Variants in RASGEF1A observed in about 807,000 individuals in gnomAD.
The protein encoded by RASGEF1A is ras-GEF domain-containing family member 1A.
RASGEF1A carries 18 observed loss-of-function variants against 56.4 expected under a neutral mutation model. The ratio of observed to expected loss-of-function variants is 0.32; its 90% CI spans 0.22 to 0.47. The LOEUF is 0.47. Ranked by LOEUF, RASGEF1A falls within the 20% of genes least tolerant of loss-of-function variation. The probability of loss-of-function intolerance (pLI) is 1.00; values close to 1 mark genes in which losing one functional copy is unlikely to be tolerated. For missense variants in RASGEF1A, 422 were observed against 627.1 expected, an observed-to-expected ratio of 0.67 and a Z score of 3.49; for synonymous variants, 245 against 242.6, an observed-to-expected ratio of 1.01 and a Z score of -0.09.
In RASGEF1A at chr10:43,249,167, A is replaced by G. The variant is rs76192007; in HGVS notation, c.-7+17678T>C. Among the ~76,000 whole-genome samples the G allele has an allele frequency of 1.7e-4, 26 of 152,354 alleles. No individual in the cohort carries two copies. In the East Asian group the frequency reaches 4.6e-3, roughly 27 times the overall value. ...GGTCACCTGTGTCCATCTGAGGAGC[A>G]GGACGCCATGGCTGAGAATCAACCA... On this transcript the variant is annotated intron_variant, in intron 1 of 12. Transcript: ENST00000395810.
chr10:43,256,703 C>A (rs1836414068), intron 1 of RASGEF1A, among the ~76,000 whole-genome samples: 1 of 152,166 alleles, frequency 6.6e-6, no homozygotes, highest in African/African-American at 2.4e-5. Context: ...CTGGTGTGGA[C>A]CAGCGCACAC....
intron 1 of RASGEF1A, among the ~76,000 whole-genome samples, chr10:43,233,339 T>C (rs1277366762): frequency 2.0e-5 from 3 of 152,124 alleles, no homozygotes; most frequent in African/African-American, 7.2e-5. Context: ...TGTAGACAGA[T>C]ACAGAGACAC....
intron 1 of RASGEF1A, among the ~76,000 whole-genome samples, chr10:43,246,183 A>G (rs1031481661): frequency 3.9e-5 from 6 of 152,236 alleles, no homozygotes; most frequent in Non-Finnish European, 8.8e-5. Context: ...CATCAAAGAG[A>G]ATAAAATAAT....
At chr10:43,224,645 T>C (rs1229322819) in intron 1 of RASGEF1A, among the ~76,000 whole-genome samples, 4 of 152,206 alleles carry the variant, frequency 2.6e-5, no homozygotes, top group Admixed American at 6.5e-5. Flanking sequence ...ATGGGCCAGT[T>C]TCAGACTTAG....
intron 1 of RASGEF1A, chr10:43,208,692 T>A (rs1840028492): frequency 1.0e-6 from 1 of 985,322 alleles, no homozygotes; most frequent in Non-Finnish European, 1.2e-6. Context: ...CAGGGCTAGG[T>A]CTCCTGCATC....
chr10:43,251,546 A>C (rs1426506497), intron 1 of RASGEF1A, among the ~76,000 whole-genome samples: 1 of 152,192 alleles, frequency 6.6e-6, no homozygotes, highest in African/African-American at 2.4e-5. Context: ...GTCAGTGTGC[A>C]TGATGGACGC....
chr10:43,198,923 A>G lies in RASGEF1A; in HGVS notation c.1032+10T>C, dbSNP rs776363814. 29 of 1,611,142 alleles carry G rather than the reference A, an allele frequency of 1.8e-5. No individual in the cohort carries two copies. The highest frequency in any genetic ancestry group is 1.8e-4 in the Middle Eastern group (1 of 5,482). ...GCAGCTCGCAGCTGTGACGGGGCTC[A>G]GGTGCCTACCTCCAAGACATCAAAC... On this transcript the variant is annotated intron_variant, in intron 9 of 12. Transcript: ENST00000395810.
At position 43,201,820 on chromosome 10, in the gene RASGEF1A, G is replaced by A; in HGVS notation, c.447C>T (p.Thr149=). ...AELKAITHRV[T]QCDEENGTVK... ...AGGGAGCACTCACCTCATCACACTGGGTGACACGGTGTGTGATGGCTTTCA... is the reference window on the plus strand; with the variant it reads ...AGGGAGCACTCACCTCATCACACTGAGTGACACGGTGTGTGATGGCTTTCA... Residue 149 remains threonine, a synonymous_variant, in exon 4 of 13, where the codon ACC becomes ACT. Transcript: ENST00000395810. The A allele has an allele frequency of 6.2e-7, 1 of 1,605,424 alleles. No individual in the cohort carries two copies. The highest frequency in any genetic ancestry group is 8.5e-7 in the Non-Finnish European group (1 of 1,174,382).
At chr10:43,257,731 T>C (rs1450345811) in intron 1 of RASGEF1A, among the ~76,000 whole-genome samples, 1 of 152,218 alleles carries the variant, frequency 6.6e-6, no homozygotes, top group Non-Finnish European at 1.5e-5. Context: ...GCCCTGGCCC[T>C]GCATTATGCT....
chr10:43,217,068 G>T (rs1195548196), intron 1 of RASGEF1A, among the ~76,000 whole-genome samples: 2 of 152,178 alleles, frequency 1.3e-5, no homozygotes, highest in East Asian at 1.9e-4. Flanking sequence ...TGGAGGGGGA[G>T]AAATGAGGTA....
chr10:43,197,645 T>G lies in RASGEF1A; in HGVS notation c.1224+359A>C, dbSNP rs112005660. ...CTTCCATCTAGAATTCTCTGCCGCCTCCTCCCTGCTCAAGTCCCTTCCTAT... is the reference window on the plus strand; with the variant it reads ...CTTCCATCTAGAATTCTCTGCCGCCGCCTCCCTGCTCAAGTCCCTTCCTAT... On this transcript the variant is annotated intron_variant, in intron 10 of 12. Transcript: ENST00000395810. Among the ~76,000 whole-genome samples the G allele has an allele frequency of 9.9e-5, 15 of 152,182 alleles. 3 individuals carry two copies. The highest frequency in any genetic ancestry group is 3.6e-4 in the African/African-American group (15 of 41,510).
At position 43,201,858 on chromosome 10, in the gene RASGEF1A, C is replaced by T. The variant is rs758127770; in HGVS notation, c.409G>A (p.Ala137Thr). The T allele has an allele frequency of 1.2e-6, 2 of 1,611,858 alleles. No homozygotes were observed. The highest frequency in any genetic ancestry group is 1.7e-5 in the Admixed American group (1 of 59,948). ...GTGATGGCTTTCAGCTCGGCCATGG[C>T]CTTCTCATCCTGGAAGTCATAGGGG... ...AFPYDFQDEK[A>T]MAELKAITHR... The change falls in exon 4 of 13, where the codon GCC (alanine) becomes ACC (threonine). Residue 137 changes from alanine (A) to threonine (T), a missense_variant. Ala to Thr is a moderately conservative substitution (Grantham distance 58, BLOSUM62 0). Coordinates refer to ENST00000395810, the MANE Select transcript of RASGEF1A (RefSeq NM_145313.4).
intron 1 of RASGEF1A, among the ~76,000 whole-genome samples, chr10:43,260,985 G>T (rs2133231851): frequency 6.6e-6 from 1 of 152,282 alleles, no homozygotes; most frequent in South Asian, 2.1e-4. Flanking sequence ...ATTTGTGCGG[G>T]CATCTCCGAG....
chr10:43,219,691 G>A (rs1249575246), intron 1 of RASGEF1A, among the ~76,000 whole-genome samples: 1 of 152,234 alleles, frequency 6.6e-6, no homozygotes, highest in Non-Finnish European at 1.5e-5. Flanking sequence ...CCAGAGGCAG[G>A]AAGGGATGGC....
chr10:43,199,118 T>A lies in RASGEF1A; in HGVS notation c.926A>T (p.Asn309Ile), dbSNP rs1432830996. 6.2e-7 allele frequency: 1 copy of A among 1,613,660 alleles called. No homozygotes were observed. Among genetic ancestry groups the A allele is most frequent in the African/African-American group, 1.3e-5 (1 of 74,916 alleles). ...GATGATGGCCATCATGGAGTTGAAGTTCCCGATGTTGAAGCACTCCCGGGC... is the reference window on the plus strand; with the variant it reads ...GATGATGGCCATCATGGAGTTGAAGATCCCGATGTTGAAGCACTCCCGGGC... ...DVARECFNIG[N>I]FNSMMAIISG... Residue 309 changes from asparagine to isoleucine, a missense_variant, in exon 8 of 13, where the codon AAC becomes ATC. Around this residue, in one of 2 missense-constraint regions of RASGEF1A, gnomAD observed 149 missense variants for 287.2 expected, o/e 0.52. Coordinates refer to ENST00000395810, the MANE Select transcript of RASGEF1A (RefSeq NM_145313.4).
intron 1 of RASGEF1A, among the ~76,000 whole-genome samples, chr10:43,238,110 G>T (rs1030529292): frequency 6.8e-6 from 1 of 147,810 alleles, no homozygotes. Flanking sequence ...GGGAGGGGGG[G>T]TGCTGCAGAT....
chr10:43,239,592 C>G (rs1228158910), intron 1 of RASGEF1A, among the ~76,000 whole-genome samples: 1 of 152,184 alleles, frequency 6.6e-6, no homozygotes, highest in Non-Finnish European at 1.5e-5. Context: ...TGCCCTAGTC[C>G]CATCCCTGAC....
intron 1 of RASGEF1A, chr10:43,207,713 A>G: frequency 1.0e-6 from 1 of 985,302 alleles, no homozygotes; most frequent in Non-Finnish European, 1.2e-6. Context: ...GCCTCACACA[A>G]GTTAGAATGC....
intron 1 of RASGEF1A, among the ~76,000 whole-genome samples, chr10:43,248,650 A>AT (rs574650311): frequency 3.4e-4 from 52 of 151,222 alleles, no homozygotes; most frequent in South Asian, 8.4e-4. Context: ...CTAATAAGGC[A>AT]TTTTTTTTTC....
Sources: allele counts gnomAD v4.1 joint callset (sites outside exome capture counted in the v4.1 genomes callset), GRCh38; gene constraint gnomAD v4.1.1; regional missense constraint gnomAD v4.1.1; transcripts MANE v1.5; gene names NCBI Gene and HGNC (gene_info 2026-07-23, HGNC 2026-07-21).